Variants in OXR1 observed in about 807,000 individuals in gnomAD.
The protein encoded by OXR1 is oxidation resistance protein 1.
A neutral mutation model predicts 104.6 loss-of-function variants in OXR1; 41 were observed. The ratio of observed to expected loss-of-function variants is 0.39; its 90% CI spans 0.31 to 0.51. The LOEUF (loss-of-function observed/expected upper bound fraction) is 0.51, where lower values mean the gene tolerates loss of function less well. Among genes scored for constraint, OXR1 ranks in the 20% least tolerant of loss-of-function variants. The pLI is 0.77. For missense variants in OXR1, 955 were observed against 1,031.9 expected (o/e 0.93, Z 1.02); for synonymous variants, 348 against 348.4 (o/e 1.00, Z 0.01).
At chr8:106,452,029 G>A (rs1473085321) in intron 2 of OXR1, among the ~76,000 whole-genome samples, 1 of 152,140 alleles carries the variant, frequency 6.6e-6, no homozygotes, top group Non-Finnish European at 1.5e-5. Context: ...GCTCAGTTTG[G>A]GGTCCCAGAG....
At chr8:106,432,812 A>G (rs1463811094) in intron 2 of OXR1, among the ~76,000 whole-genome samples, 2 of 152,192 alleles carry the variant, frequency 1.3e-5, no homozygotes, top group Non-Finnish European at 2.9e-5. Flanking sequence ...GGCCTAGAAC[A>G]ATAACTGACA....
rs984530043 is a variant in OXR1 at position 106,706,911 on chromosome 8, CAAAAAG to C, written c.1395_1400del (p.Lys465_Glu466del). The stretch of plus-strand genomic sequence containing the variant: ...GAATTCGTTACACCAAGAAGAGAGT[CAAAAAG>C]AAAATATGCCTTGTGGGGAAACAGC... On this transcript the variant is annotated inframe_deletion, in exon 9 of 17. Transcript: ENST00000517566. The C allele has an allele frequency of 6.2e-7, 1 of 1,611,874 alleles. No homozygotes were observed. The highest frequency in any genetic ancestry group is 1.3e-5 in the African/African-American group (1 of 74,566).
At chr8:106,386,938 G>A (rs1817395306) in intron 2 of OXR1, among the ~76,000 whole-genome samples, 1 of 152,178 alleles carries the variant, frequency 6.6e-6, no homozygotes, top group Non-Finnish European at 1.5e-5. Flanking sequence ...CAGTAAGTTA[G>A]ATGATTGGAG....
intron 2 of OXR1, among the ~76,000 whole-genome samples, chr8:106,436,944 C>T (rs1285666301): frequency 1.3e-5 from 2 of 152,118 alleles, no homozygotes; most frequent in Non-Finnish European, 2.9e-5. Flanking sequence ...AGAAGTGGTA[C>T]ATTGTACCTT....
chr8:106,615,962 C>T (rs1433614104), intron 3 of OXR1, among the ~76,000 whole-genome samples: 1 of 151,430 alleles, frequency 6.6e-6, no homozygotes, highest in Non-Finnish European at 1.5e-5. Context: ...GAATGGAATC[C>T]AGGACTGGAA....
chr8:106,301,354 A>AATTT (rs111431492), intron 1 of OXR1, among the ~76,000 whole-genome samples: 33,303 of 152,028 alleles, frequency 0.22, 5,383 homozygotes, highest in African/African-American at 0.46. Context: ...AACTATTTAA[A>AATTT]ATTCTAATAA....
intron 3 of OXR1, among the ~76,000 whole-genome samples, chr8:106,575,049 T>G (rs1453144777): frequency 6.6e-6 from 1 of 152,144 alleles, no homozygotes; most frequent in African/African-American, 2.4e-5. Flanking sequence ...TAATATACAT[T>G]TTTCTCACAC....
intron 2 of OXR1, among the ~76,000 whole-genome samples, chr8:106,475,614 C>T (rs1401906849): frequency 1.3e-5 from 2 of 151,968 alleles, no homozygotes; most frequent in African/African-American, 4.8e-5. Context: ...AATCCTTCTT[C>T]CACTGTTTGC....
At chr8:106,416,413 T>A (rs1219232334) in intron 2 of OXR1, among the ~76,000 whole-genome samples, 1 of 152,152 alleles carries the variant, frequency 6.6e-6, no homozygotes, top group African/African-American at 2.4e-5. Flanking sequence ...TATCCATTGG[T>A]ATTTCTTTGA....
intron 9 of OXR1, 57 bp downstream of exon 9, chr8:106,707,202 TTC>T (rs1831224084): frequency 6.5e-7 from 1 of 1,531,476 alleles, no homozygotes; most frequent in African/African-American, 1.4e-5. Context: ...GTCTCCGTCT[TTC>T]CTCACTGACT....
At chr8:106,507,048 G>A (rs1486489812) in intron 2 of OXR1, among the ~76,000 whole-genome samples, 1 of 152,048 alleles carries the variant, frequency 6.6e-6, no homozygotes, top group African/African-American at 2.4e-5. Flanking sequence ...TATAACAGCT[G>A]CCCTCCAGCC....
At chr8:106,577,972 T>C (rs973793157) in intron 3 of OXR1, among the ~76,000 whole-genome samples, 1 of 152,204 alleles carries the variant, frequency 6.6e-6, no homozygotes, top group African/African-American at 2.4e-5. Context: ...AGCTCCATTG[T>C]ACCCTGCTCT....
intron 1 of OXR1, among the ~76,000 whole-genome samples, chr8:106,319,234 A>T (rs978556193): frequency 2.0e-5 from 3 of 152,214 alleles, no homozygotes; most frequent in African/African-American, 7.2e-5. Context: ...TGTCTAGCAG[A>T]TAGCATTGAA....
intron 3 of OXR1, among the ~76,000 whole-genome samples, chr8:106,624,737 C>T (rs1239329548): frequency 6.6e-6 from 1 of 152,160 alleles, no homozygotes; most frequent in Non-Finnish European, 1.5e-5. Flanking sequence ...GACATACATT[C>T]GCATTTTATT....
At chr8:106,468,159 G>C (rs1290049857) in intron 2 of OXR1, among the ~76,000 whole-genome samples, 2 of 151,768 alleles carry the variant, frequency 1.3e-5, no homozygotes, top group Admixed American at 1.3e-4. Context: ...CCCCATTCTA[G>C]GTCTTGGAGA....
chr8:106,470,909 A>G (rs1821456581), intron 2 of OXR1, among the ~76,000 whole-genome samples: 1 of 151,812 alleles, frequency 6.6e-6, no homozygotes. Flanking sequence ...TAGGTTTAGC[A>G]ATGGTGATTG....
rs563256802 is a variant in OXR1, at chr8:106,549,372, TAGTC to T, written c.220+30237_220+30240del. Among the ~76,000 whole-genome samples, 312 of 152,158 alleles carry T rather than the reference TAGTC, an allele frequency of 2.1e-3. 3 individuals carry two copies. The highest frequency in any genetic ancestry group is 2.7e-3 in the Non-Finnish European group (183 of 68,012). On this transcript the variant is annotated intron_variant, in intron 3 of 16. Coordinates refer to ENST00000517566, the MANE Select transcript of OXR1 (RefSeq NM_001198533.2). ...TACTTGAGACTAGACATATAGGAAA[TAGTC>T]AGTAAACACTTGTTGAATTTGTGAA...
chr8:106,693,356 G>C (rs985931527), intron 7 of OXR1, among the ~76,000 whole-genome samples: 1 of 151,716 alleles, frequency 6.6e-6, no homozygotes, highest in South Asian at 2.1e-4. Context: ...AAACAGGAAG[G>C]GTTCATAGGA....
chr8:106,378,763 C>T (rs1817010029), intron 2 of OXR1, among the ~76,000 whole-genome samples: 1 of 152,218 alleles, frequency 6.6e-6, no homozygotes. Context: ...CCCACCTCGG[C>T]CTCCCAAAGT....
Sources: gnomAD v4.1 joint callset for allele counts (sites outside exome capture counted in the v4.1 genomes callset) on GRCh38, gnomAD v4.1.1 for gene constraint, MANE v1.5 for transcripts, NCBI Gene and HGNC (gene_info 2026-07-23, HGNC 2026-07-21) for gene names.